Variants in CADPS observed in about 807,000 individuals in gnomAD.
The protein encoded by CADPS is calcium-dependent secretion activator 1.
CADPS carries 57 observed loss-of-function variants against 167.3 expected under a neutral mutation model. The observed-to-expected ratio is 0.34, with a 90% CI of 0.28 to 0.42. CADPS has a LOEUF of 0.42. CADPS is among the 20% of genes least tolerant of loss of function. The pLI is 1.00. For missense variants in CADPS, 1,414 were observed against 1,738.1 expected (o/e 0.81, Z 3.32); for synonymous variants, 676 against 635.3 (o/e 1.06, Z -0.96).
At chr3:62,773,519 T>TG (rs1322343496) in intron 1 of CADPS, among the ~76,000 whole-genome samples, 1 of 152,124 alleles carries the variant, frequency 6.6e-6, no homozygotes, top group Non-Finnish European at 1.5e-5. Flanking sequence ...CTTTGGAACA[T>TG]GGTTTCCCAA....
intron 1 of CADPS, among the ~76,000 whole-genome samples, chr3:62,844,638 T>C (rs1487112370): frequency 2.0e-5 from 3 of 152,326 alleles, no homozygotes; most frequent in Admixed American, 1.3e-4. Flanking sequence ...ATAGTTATCA[T>C]GACCTGTGAA....
chr3:62,451,591 G>A (rs778652157), intron 26 of CADPS, among the ~76,000 whole-genome samples: 4 of 151,514 alleles, frequency 2.6e-5, no homozygotes, highest in Non-Finnish European at 2.9e-5. Flanking sequence ...CTGCCCGAGC[G>A]CCCCATGATC....
At chr3:62,718,123 G>C (rs571883823) in intron 3 of CADPS, among the ~76,000 whole-genome samples, 3 of 151,390 alleles carry the variant, frequency 2.0e-5, no homozygotes, top group African/African-American at 7.3e-5. Context: ...TTATTTCATA[G>C]CCCTTACTAC....
intron 17 of CADPS, 71 bp downstream of exon 17, chr3:62,512,680 A>G: frequency 7.7e-7 from 1 of 1,291,534 alleles, no homozygotes; most frequent in Non-Finnish European, 1.1e-6. Context: ...GGAGCCATTG[A>G]AAAACAAAAA....
chr3:62,535,501 A>G (rs1401442050), intron 12 of CADPS, among the ~76,000 whole-genome samples: 4 of 151,844 alleles, frequency 2.6e-5, no homozygotes, highest in Non-Finnish European at 4.4e-5. Context: ...AGTATCAATA[A>G]TATCTTAACC....
chr3:62,667,977 C>T (rs182828511), intron 3 of CADPS, among the ~76,000 whole-genome samples: 13 of 152,198 alleles, frequency 8.5e-5, no homozygotes, highest in Admixed American at 1.3e-4. Context: ...CTTGACAGTG[C>T]GCCTGGGAGA....
At position 62,611,000 on chromosome 3, in the gene CADPS, G is replaced by A. The variant is rs138499892; in HGVS notation, c.1326-18252C>T. Among the ~76,000 whole-genome samples the A allele has an allele frequency of 5.4e-3, 824 of 152,204 alleles. 2 individuals are homozygous for A. The highest frequency in any genetic ancestry group is 0.019 in the African/African-American group (775 of 41,508). On this transcript the variant is annotated intron_variant, in intron 6 of 29. Transcript: ENST00000383710. ...AGTAGGACTACTACTGGCATCTAGT[G>A]AGTGGAGGCTGGGGATACTGCTAAA...
chr3:62,745,327 G>C (rs1006454396), intron 3 of CADPS, among the ~76,000 whole-genome samples: 5 of 151,978 alleles, frequency 3.3e-5, no homozygotes, highest in South Asian at 2.1e-4. Flanking sequence ...CACTCCTCAG[G>C]CTCCCAAAGT....
rs557140160 is a variant in CADPS at position 62,760,521 on chromosome 3, C to T, written c.555+5350G>A. 2.0e-5 allele frequency among the ~76,000 whole-genome samples: 3 copies of T among 152,228 alleles called. No homozygotes were observed. The East Asian group carries it at 5.8e-4, about 30-fold the overall frequency. On this transcript the variant is annotated intron_variant, in intron 2 of 29. Coordinates refer to ENST00000383710, the MANE Select transcript of CADPS (RefSeq NM_003716.4). ...TGAGGTTCCTCAGCCTCATAAAGTA[C>T]TGGGATTACAGATGTGAACTGCACC...
chr3:62,701,990 A>G (rs1033964865), intron 3 of CADPS, among the ~76,000 whole-genome samples: 2 of 152,144 alleles, frequency 1.3e-5, no homozygotes, highest in Admixed American at 1.3e-4. Flanking sequence ...AGCTTACCTT[A>G]TGTAAAATGC....
At chr3:62,576,280 G>A (rs1314320571) in intron 8 of CADPS, among the ~76,000 whole-genome samples, 2 of 152,146 alleles carry the variant, frequency 1.3e-5, no homozygotes, top group African/African-American at 4.8e-5. Flanking sequence ...CACCTAAGTG[G>A]GAATTCTGGC....
chr3:62,615,222 AG>A (rs1260044151), intron 6 of CADPS, among the ~76,000 whole-genome samples: 1 of 152,158 alleles, frequency 6.6e-6, no homozygotes, highest in African/African-American at 2.4e-5. Flanking sequence ...AAGGAAGGAA[AG>A]AGTAATTACT....
chr3:62,609,773 A>G (rs2061233521), intron 6 of CADPS, among the ~76,000 whole-genome samples: 1 of 152,188 alleles, frequency 6.6e-6, no homozygotes, highest in African/African-American at 2.4e-5. Context: ...GAAGTGACAG[A>G]AGTTTAAAAG....
At chr3:62,664,012 A>AT (rs906743552) in intron 3 of CADPS, among the ~76,000 whole-genome samples, 5 of 151,922 alleles carry the variant, frequency 3.3e-5, no homozygotes, top group South Asian at 2.1e-4. Flanking sequence ...TCAACTATTT[A>AT]TTTTTTTTCC....
chr3:62,839,875 A>G (rs140671688), intron 1 of CADPS, among the ~76,000 whole-genome samples: 6 of 151,678 alleles, frequency 4.0e-5, no homozygotes, highest in African/African-American at 1.5e-4. Flanking sequence ...TGAGAGGGAG[A>G]CACATTCAAA....
In CADPS at chr3:62,541,741, G is replaced by A. The variant is rs185396343; in HGVS notation, c.1967-5160C>T. Among the ~76,000 whole-genome samples, 566 of 152,112 alleles carry A rather than the reference G, an allele frequency of 3.7e-3. 5 individuals are homozygous for A. The highest frequency in any genetic ancestry group is 0.02 in the Middle Eastern group (6 of 294). On this transcript the variant is annotated intron_variant, in intron 11 of 29. Transcript: ENST00000383710. The stretch of plus-strand genomic sequence containing the variant: ...CCTAATTGACTACTCTGTCATCTAT[G>A]TTGTTCTTTGATCATGATATTTGGG...
intron 3 of CADPS, among the ~76,000 whole-genome samples, chr3:62,750,353 C>CAA (rs56069272): frequency 0.27 from 11,853 of 44,642 alleles, 2,546 homozygotes; most frequent in Middle Eastern, 0.28. Flanking sequence ...TCTTAAGCTC[C>CAA]AAAAAAAAAA....
chr3:62,482,653 A>G (rs535701242), intron 21 of CADPS, among the ~76,000 whole-genome samples: 1 of 152,344 alleles, frequency 6.6e-6, no homozygotes, highest in African/African-American at 2.4e-5. Flanking sequence ...TCTTTGACCA[A>G]AAGTGGATTT....
chr3:62,721,139 A>ATTTTTTTTTTTTTT (rs1268261563), intron 3 of CADPS, among the ~76,000 whole-genome samples: 14,637 of 109,646 alleles, frequency 0.13, 929 homozygotes, highest in Non-Finnish European at 0.17. Flanking sequence ...TTTTTTAAAA[A>ATTTTTTTTTTTTTT]AAAAAAGAAG....
Sources: allele counts gnomAD v4.1 joint callset (sites outside exome capture counted in the v4.1 genomes callset), GRCh38; gene constraint gnomAD v4.1.1; transcripts MANE v1.5; gene names NCBI Gene and HGNC (gene_info 2026-07-23, HGNC 2026-07-21).